Variants in PROSER2 observed in about 807,000 individuals in gnomAD.
PROSER2 encodes the protein proline and serine rich 2, also known as proline and serine-rich protein 2.
Under a neutral mutation model 14.6 loss-of-function variants are expected in PROSER2, and 18 were observed. The ratio of observed to expected loss-of-function variants is 1.23; its 90% CI spans 0.85 to 1.83. PROSER2 has a LOEUF of 1.83. Ranked by LOEUF, PROSER2 falls within the 40% of genes most tolerant of loss-of-function variation. The probability of loss-of-function intolerance (pLI) is 0.00; values close to 1 mark genes in which losing one functional copy is unlikely to be tolerated. For synonymous variants in PROSER2, 367 were observed against 286.4 expected, an observed-to-expected ratio of 1.28 and a Z score of -2.84; for missense variants, 823 against 629.8, an observed-to-expected ratio of 1.31 and a Z score of -3.28.
At position 11,866,704 on chromosome 10, in the gene PROSER2, T is replaced by C; in HGVS notation, c.312T>C (p.Pro104=). ...LEESTSSPSE[P]EDVIDLVQPA... ...AGAGCACCTCCAGTCCCTCCGAGCCTGAAGATGTCATCGACTTAGTGCAGC... is the reference window on the plus strand; with the variant it reads ...AGAGCACCTCCAGTCCCTCCGAGCCCGAAGATGTCATCGACTTAGTGCAGC... The change falls in exon 3 of 4, where the codon CCT becomes CCC. Residue 104 remains proline, a synonymous_variant. Transcript: ENST00000277570. This position sits in a 1 kb window ranked among gnomAD's most constrained non-coding sequence, Gnocchi z 6.0. The C allele has an allele frequency of 6.2e-7, 1 of 1,614,066 alleles. No individual in the cohort carries two copies. The highest frequency in any genetic ancestry group is 8.5e-7 in the Non-Finnish European group (1 of 1,180,030).
At chr10:11,844,006 A>G (rs1048719534) in intron 1 of PROSER2, among the ~76,000 whole-genome samples, 14 of 151,424 alleles carry the variant, frequency 9.2e-5, no homozygotes, top group African/African-American at 3.2e-4. Flanking sequence ...CATTTGATTG[A>G]TTGAGACAGG....
rs899030420 is a variant in PROSER2 at position 11,871,339 on chromosome 10, T to C, written c.*933T>C. On this transcript the variant is annotated 3_prime_UTR_variant, in exon 4 of 4. Coordinates refer to ENST00000277570, the MANE Select transcript of PROSER2 (RefSeq NM_153256.4). ...CTTAAGGACACGTCTCCATGATATTTTGGTGAACCAAAAGTGCTTTATCCT... is the reference window on the plus strand; with the variant it reads ...CTTAAGGACACGTCTCCATGATATTCTGGTGAACCAAAAGTGCTTTATCCT... 1.3e-5 allele frequency: 2 copies of C among 152,252 alleles called. No homozygotes were observed. The highest frequency in any genetic ancestry group is 2.9e-5 in the Non-Finnish European group (2 of 68,046). 9.4% of individuals were successfully genotyped at this position (152,252 alleles called of 1,614,324 possible). A position where few individuals can be genotyped will look rare whatever the true frequency, so the allele number is the denominator to read the frequency against.
Position 11,865,035 on chromosome 10 carries a change from T to TA in PROSER2, c.139-1494dup, listed in dbSNP as rs1834318940. Among the ~76,000 whole-genome samples, 1 of 152,184 alleles carries TA rather than the reference T, an allele frequency of 6.6e-6. No individual in the cohort carries two copies. Among genetic ancestry groups the TA allele is most frequent in the Non-Finnish European group, 1.5e-5 (1 of 68,026 alleles). On this transcript the variant is annotated intron_variant, in intron 2 of 3. Coordinates refer to ENST00000277570, the MANE Select transcript of PROSER2 (RefSeq NM_153256.4). This position sits in a 1 kb window ranked among gnomAD's most constrained non-coding sequence, Gnocchi z 4.2. The stretch of plus-strand genomic sequence containing the variant: ...GATTTTTATTCATTAGGTTGTACAC[T>TA]AAGGACCCCTTTCAGTTTGGAAACT...
At position 11,870,698 on chromosome 10, in the gene PROSER2, C is replaced by T. The variant is rs1834470084; in HGVS notation, c.*292C>T. ...AATAACCTGTTAGACCCATAGGTTT[C>T]CGTGATGTGTAAATGCCATCTTTTG... On this transcript the variant is annotated 3_prime_UTR_variant, in exon 4 of 4. Transcript: ENST00000277570. 1 of 326,428 alleles carries T rather than the reference C, an allele frequency of 3.1e-6. No homozygotes were observed. The highest frequency in any genetic ancestry group is 5.8e-6 in the Non-Finnish European group (1 of 171,000). The allele number at this position is 326,428 out of a possible 1,614,324, so 20.2% of individuals were successfully genotyped here. A position where few individuals can be genotyped will look rare whatever the true frequency, so the allele number is the denominator to read the frequency against.
chr10:11,855,896 A>G (rs1278918207), intron 2 of PROSER2, among the ~76,000 whole-genome samples: 1 of 152,224 alleles, frequency 6.6e-6, no homozygotes, highest in African/African-American at 2.4e-5. Context: ...GGCAGTGAAC[A>G]TGAAGTTTTT....
At chr10:11,858,485 A>C (rs939358236) in intron 2 of PROSER2, among the ~76,000 whole-genome samples, 3 of 152,150 alleles carry the variant, frequency 2.0e-5, no homozygotes, top group Non-Finnish European at 4.4e-5. Context: ...GAGTCAACAG[A>C]GATCAGCTAG....
At chr10:11,832,817 CTT>C (rs59913374) in intron 1 of PROSER2, among the ~76,000 whole-genome samples, 11 of 151,096 alleles carry the variant, frequency 7.3e-5, no homozygotes, top group African/African-American at 2.2e-4. Flanking sequence ...TTAGGGTGCT[CTT>C]TTTTTTTTAT....
chr10:11,843,258 GAA>G (rs1357875980), intron 1 of PROSER2, among the ~76,000 whole-genome samples: 4 of 149,548 alleles, frequency 2.7e-5, no homozygotes, highest in African/African-American at 9.8e-5. Flanking sequence ...GTTCCTGAAA[GAA>G]TATTTTTATA....
rs2131045833 is a variant in PROSER2 at position 11,830,126 on chromosome 10, A to G, written c.-82+6656A>G. 6.6e-6 allele frequency among the ~76,000 whole-genome samples: 1 copy of G among 152,198 alleles called. No individual in the cohort carries two copies. Among genetic ancestry groups the G allele is most frequent in the African/African-American group, 2.4e-5 (1 of 41,528 alleles). ...CCAAAGTGCCGGGATTACAGGTGTG[A>G]GCCACTGTGCCAGCCACAATAGGCA... On this transcript the variant is annotated intron_variant, in intron 1 of 3. Transcript: ENST00000277570. The surrounding 1 kb of genome is among the most constrained non-coding windows in gnomAD (Gnocchi z 4.5).
intron 1 of PROSER2, among the ~76,000 whole-genome samples, chr10:11,846,213 C>T (rs752869108): frequency 4.6e-5 from 7 of 152,170 alleles, no homozygotes; most frequent in Non-Finnish European, 1.0e-4. Context: ...TCTCGAACTC[C>T]TGACCTCAAG....
chr10:11,852,344 C>A, intron 2 of PROSER2, 129 bp downstream of exon 2: 2 of 1,004,716 alleles, frequency 2.0e-6, no homozygotes, highest in Non-Finnish European at 2.8e-6. Flanking sequence ...TGGAATACTT[C>A]TTTGTGAAGT....
rs761785514 is a variant in PROSER2, at chr10:11,868,174, G to A, written c.392-1316G>A. Among the ~76,000 whole-genome samples, 10 of 152,292 alleles carry A rather than the reference G, an allele frequency of 6.6e-5. No individual in the cohort carries two copies. The East Asian group carries it at 1.9e-3, about 29-fold the overall frequency. Reference sequence around the variant, plus strand: ...GTTCCAAAAGTAATTTGAACCAGCCGATCCTTTTAAAATGTGAGATCACGT... The same window carrying A: ...GTTCCAAAAGTAATTTGAACCAGCCAATCCTTTTAAAATGTGAGATCACGT... On this transcript the variant is annotated intron_variant, in intron 3 of 3. Transcript: ENST00000277570.
rs558283551 is a variant in PROSER2, at chr10:11,842,931, C to CTT, written c.-81-9040_-81-9039dup. Among the ~76,000 whole-genome samples the CTT allele has an allele frequency of 6.5e-3, 337 of 51,932 alleles. 59 individuals are homozygous for CTT. The highest frequency in any genetic ancestry group is 0.021 in the African/African-American group (310 of 14,718). The allele number at this position is 51,932 out of a possible 152,430, so 34.1% of individuals were successfully genotyped here. On this transcript the variant is annotated intron_variant, in intron 1 of 3. Coordinates refer to ENST00000277570, the MANE Select transcript of PROSER2 (RefSeq NM_153256.4). ...TTTTCTATACTATTTTGCCATTGTTCTTTTTTTTTTTTTTTTTTTTTTTTT... is the reference window on the plus strand; with the variant it reads ...TTTTCTATACTATTTTGCCATTGTTCTTTTTTTTTTTTTTTTTTTTTTTTTTT...
In PROSER2 at chr10:11,869,739, C is replaced by A; in HGVS notation, c.641C>A (p.Thr214Asn). The A allele has an allele frequency of 6.3e-7, 1 of 1,586,808 alleles. No homozygotes were observed. The highest frequency in any genetic ancestry group is 8.6e-7 in the Non-Finnish European group (1 of 1,167,908). Residue 214 changes from threonine to asparagine, a missense_variant, in exon 4 of 4, where the codon ACC becomes AAC. By Grantham distance (65) the Thr-to-Asn change is moderately conservative (BLOSUM62 0). Transcript: ENST00000277570. The surrounding 1 kb of genome is among the most constrained non-coding windows in gnomAD (Gnocchi z 4.4). ...GCGGGGAACGAAGCCCTCTCGCCCA[C>A]CTCCCCGTTCAGGGAGGGCCGGCCC... The part of the protein sequence containing the change: ...RMAGNEALSP[T>N]SPFREGRPGE...
In PROSER2 at chr10:11,866,855, G is replaced by GCC. The variant is rs1322473496; in HGVS notation, c.391+72_391+73insCC. The stretch of plus-strand genomic sequence containing the variant: ...TGTGAGACCCAGAGATACTTCTTTT[G>GCC]TGTTCCCCTGTGTTTGCCAGTAGAA... On this transcript the variant is annotated intron_variant, in intron 3 of 3. Coordinates refer to ENST00000277570, the MANE Select transcript of PROSER2 (RefSeq NM_153256.4). The surrounding 1 kb of genome is among the most constrained non-coding windows in gnomAD (Gnocchi z 6.0). 14 of 1,503,632 alleles carry GCC rather than the reference G, an allele frequency of 9.3e-6. No individual in the cohort carries two copies. The Admixed American group carries it at 2.9e-4, about 31-fold the overall frequency. The allele number at this position is 1,503,632 out of a possible 1,614,324, so 93.1% of individuals were successfully genotyped here. A position where few individuals can be genotyped will look rare whatever the true frequency, so the allele number is the denominator to read the frequency against.
chr10:11,869,529 C>T lies in PROSER2; in HGVS notation c.431C>T (p.Ala144Val). ...PAGKEHRKQD[A>V]ETPPPPDPPA... The stretch of plus-strand genomic sequence containing the variant: ...GGGAAGGAGCACAGGAAACAAGATG[C>T]TGAGACTCCTCCACCTCCAGACCCC... Residue 144 changes from alanine (A) to valine (V), a missense_variant, in exon 4 of 4, where the codon GCT becomes GTT. By Grantham distance (64) the Ala-to-Val change is moderately conservative. Transcript: ENST00000277570. This position sits in a 1 kb window ranked among gnomAD's most constrained non-coding sequence, Gnocchi z 4.4. The T allele has an allele frequency of 6.2e-7, 1 of 1,613,826 alleles. No homozygotes were observed.
chr10:11,853,139 C>G (rs1834059524), intron 2 of PROSER2, among the ~76,000 whole-genome samples: 1 of 152,132 alleles, frequency 6.6e-6, no homozygotes, highest in Non-Finnish European at 1.5e-5. Context: ...GTGGGAACGC[C>G]AGTTTCCCTC....
At chr10:11,846,885 C>T (rs757072372) in intron 1 of PROSER2, among the ~76,000 whole-genome samples, 6 of 152,132 alleles carry the variant, frequency 3.9e-5, no homozygotes, top group Admixed American at 6.5e-5. Flanking sequence ...ACTACAGGCA[C>T]GCACCACCAC....
At chr10:11,863,296 G>C (rs1333393847) in intron 2 of PROSER2, among the ~76,000 whole-genome samples, 2 of 152,146 alleles carry the variant, frequency 1.3e-5, no homozygotes, top group East Asian at 3.8e-4. Flanking sequence ...GGGTAGGTGG[G>C]CATTTGAATA....
Sources: gnomAD v4.1 joint callset for allele counts (sites outside exome capture counted in the v4.1 genomes callset) on GRCh38, gnomAD v4.1.1 for gene constraint, Gnocchi (gnomAD v3.1) non-coding constraint, MANE v1.5 for transcripts, NCBI Gene and HGNC (gene_info 2026-07-23, HGNC 2026-07-21) for gene names.